The following EPM2A variants were observed in gnomAD, a reference collection of about 807,000 sequenced individuals.
EPM2A encodes the protein laforin.
Under a neutral mutation model 26.5 loss-of-function variants are expected in EPM2A, and 21 were observed. The ratio of observed to expected loss-of-function variants is 0.79; its 90% CI spans 0.56 to 1.14. The LOEUF is 1.14. Among genes scored for constraint, EPM2A ranks in the 50% most tolerant of loss-of-function variants. EPM2A has a pLI of 0.00. For synonymous variants in EPM2A, 217 were observed against 177.6 expected (o/e 1.22, Z -1.76); for missense variants, 458 against 440.8 (o/e 1.04, Z -0.35).
intron 2 of EPM2A, among the ~76,000 whole-genome samples, chr6:145,592,077 T>A (rs1166170266): frequency 6.6e-6 from 1 of 151,814 alleles, no homozygotes; most frequent in Non-Finnish European, 1.5e-5. Flanking sequence ...TTGTTACATA[T>A]GTATACATGT....
intron 2 of EPM2A, among the ~76,000 whole-genome samples, chr6:145,517,138 C>T (rs1465287268): frequency 6.6e-6 from 1 of 152,086 alleles, no homozygotes; most frequent in Non-Finnish European, 1.5e-5. Context: ...TACAAGGTAG[C>T]TAAAATAGTC....
At chr6:145,689,184 A>T (rs928468662) in intron 1 of EPM2A, among the ~76,000 whole-genome samples, 1 of 152,192 alleles carries the variant, frequency 6.6e-6, no homozygotes, top group African/African-American at 2.4e-5. Flanking sequence ...CAACATTTTT[A>T]AAAGTCTTTC....
intron 4 of EPM2A, among the ~76,000 whole-genome samples, chr6:145,462,966 G>A (rs1054189680): frequency 8.6e-5 from 13 of 152,036 alleles, no homozygotes; most frequent in African/African-American, 2.7e-4. Context: ...ATTTGCTCAC[G>A]CTTCTAGTTA....
intron 4 of EPM2A, among the ~76,000 whole-genome samples, chr6:145,438,469 A>AT (rs68038397): frequency 0.54 from 63,490 of 116,826 alleles, 19,991 homozygotes; most frequent in East Asian, 0.73. Context: ...GAAGGGAATA[A>AT]TTTTTTTTTT....
At chr6:145,595,917 A>G (rs1306819944) in intron 2 of EPM2A, among the ~76,000 whole-genome samples, 6 of 152,186 alleles carry the variant, frequency 3.9e-5, no homozygotes, top group Admixed American at 1.3e-4. Flanking sequence ...TCTGATGTCA[A>G]TGGAAACACC....
intron 4 of EPM2A, among the ~76,000 whole-genome samples, chr6:145,400,204 T>C (rs1272963733): frequency 1.3e-5 from 2 of 151,968 alleles, no homozygotes; most frequent in Admixed American, 6.6e-5. Context: ...GAAATGAAAG[T>C]TTGGGCATTG....
At chr6:145,513,084 C>T (rs377143) in intron 2 of EPM2A, among the ~76,000 whole-genome samples, 83,370 of 151,828 alleles carry the variant, frequency 0.55, 23,466 homozygotes, top group African/African-American at 0.68. Context: ...CTAAAAAGTG[C>T]CTGCACAGCA....
intron 2 of EPM2A, among the ~76,000 whole-genome samples, chr6:145,567,321 A>C (rs1780897150): frequency 6.6e-6 from 1 of 152,174 alleles, no homozygotes; most frequent in Non-Finnish European, 1.5e-5. Flanking sequence ...CATATTTTTT[A>C]TACTGTCTTA....
At position 145,445,960 on chromosome 6, in the gene EPM2A, G is replaced by C. The variant is rs553563097; in HGVS notation, c.555+56562C>G. ...CTTACACCTTCTGCCTGACTCTTTG[G>C]GGATGACTATAATGGGGCAAACCAG... On this transcript the variant is annotated intron_variant, in intron 4 of 4. Transcript: ENST00000638717. 3.9e-5 allele frequency among the ~76,000 whole-genome samples: 6 copies of C among 152,162 alleles called. No homozygotes were observed. In the South Asian group the frequency reaches 8.3e-4, roughly 21 times the overall value.
chr6:145,519,585 T>A (rs1780176678), intron 2 of EPM2A, among the ~76,000 whole-genome samples: 1 of 152,144 alleles, frequency 6.6e-6, no homozygotes, highest in South Asian at 2.1e-4. Context: ...AAAGAGAAGT[T>A]TTCACTGAGG....
At chr6:145,654,677 T>C (rs929951965) in intron 2 of EPM2A, among the ~76,000 whole-genome samples, 14 of 152,220 alleles carry the variant, frequency 9.2e-5, no homozygotes, top group African/African-American at 2.9e-4. Flanking sequence ...TTCATTGATA[T>C]CACTTCCTCA....
intron 4 of EPM2A, among the ~76,000 whole-genome samples, chr6:145,437,663 A>G (rs1402399708): frequency 1.3e-5 from 2 of 152,198 alleles, no homozygotes. Context: ...CTTTCTCCAT[A>G]AAACATTAAA....
chr6:145,693,258 A>G (rs1781384064), intron 1 of EPM2A, among the ~76,000 whole-genome samples: 1 of 151,928 alleles, frequency 6.6e-6, no homozygotes, highest in Admixed American at 6.6e-5. Context: ...TCATATGTTG[A>G]TTTTGTATCC....
intron 4 of EPM2A, among the ~76,000 whole-genome samples, chr6:145,459,244 T>C (rs1779298922): frequency 6.6e-6 from 1 of 152,150 alleles, no homozygotes; most frequent in Non-Finnish European, 1.5e-5. Flanking sequence ...AGGGAGATTC[T>C]TGTTAAAGGC....
chr6:145,585,749 G>A (rs980326094), intron 2 of EPM2A, among the ~76,000 whole-genome samples: 1 of 152,000 alleles, frequency 6.6e-6, no homozygotes, highest in South Asian at 2.1e-4. Flanking sequence ...ATATTTTTGA[G>A]TTTTGTTTTG....
chr6:145,605,750 T>C (rs1195957032), intron 2 of EPM2A, among the ~76,000 whole-genome samples: 1 of 152,142 alleles, frequency 6.6e-6, no homozygotes, highest in East Asian at 1.9e-4. Context: ...TTTATGCCAA[T>C]TAAACTTTAA....
intron 1 of EPM2A, among the ~76,000 whole-genome samples, chr6:145,709,582 T>C (rs1428196617): frequency 6.6e-6 from 1 of 152,238 alleles, no homozygotes; most frequent in Non-Finnish European, 1.5e-5. Context: ...AAAAGCTCTT[T>C]TCTTTATAAA....
chr6:145,460,736 A>G (rs1582772762), intron 4 of EPM2A, among the ~76,000 whole-genome samples: 2 of 152,296 alleles, frequency 1.3e-5, no homozygotes, highest in East Asian at 3.9e-4. Context: ...TTAGAATGTT[A>G]GGATACACTA....
chr6:145,508,383 G>A (rs1780007902), intron 2 of EPM2A, among the ~76,000 whole-genome samples: 1 of 152,146 alleles, frequency 6.6e-6, no homozygotes, highest in Non-Finnish European at 1.5e-5. Context: ...ATCATCTACT[G>A]GCTGGAAGCC....
Sources: gnomAD v4.1 joint callset for allele counts (sites outside exome capture counted in the v4.1 genomes callset) on GRCh38, gnomAD v4.1.1 for gene constraint, MANE v1.5 for transcripts, NCBI Gene and HGNC (gene_info 2026-07-23, HGNC 2026-07-21) for gene names.